Variants in PCCB observed in about 807,000 individuals in gnomAD.
The protein encoded by PCCB is propionyl-CoA carboxylase subunit beta.
PCCB carries 43 observed loss-of-function variants against 60.7 expected under a neutral mutation model. The observed-to-expected ratio is 0.71, with a 90% confidence interval of 0.55 to 0.91. The LOEUF (loss-of-function observed/expected upper bound fraction) is 0.91, where lower values mean the gene tolerates loss of function less well. PCCB is among the 40% of genes least tolerant of loss of function. The pLI is 0.00. For synonymous variants in PCCB, 276 were observed against 255.9 expected, an observed-to-expected ratio of 1.08 and a Z score of -0.75; for missense variants, 766 against 702.8, an observed-to-expected ratio of 1.09 and a Z score of -1.02.
At chr3:136,299,865 T>C (rs908868519) in intron 8 of PCCB, among the ~76,000 whole-genome samples, 2 of 151,462 alleles carry the variant, frequency 1.3e-5, no homozygotes, top group South Asian at 2.1e-4. Flanking sequence ...CATATGTATG[T>C]ATATGCATGC....
rs1385850128 is a variant in PCCB, at chr3:136,301,112, G to A, written c.966+1G>A. 6.2e-7 allele frequency: 1 copy of A among 1,609,920 alleles called. No individual in the cohort carries two copies. Among genetic ancestry groups the A allele is most frequent in the Non-Finnish European group, 8.5e-7 (1 of 1,176,096 alleles). ...CAACATGGTGGACATCATACACTCT[G>A]TAAGTGCCACATCTGTTTGTCTTGC... On this transcript the variant is annotated splice_donor_variant, in intron 9 of 14. Transcript: ENST00000251654. LOFTEE classifies it high-confidence loss of function.
Position 136,298,071 on chromosome 3 carries a change from A to T in PCCB, c.883A>T (p.Ser295Cys). Residue 295 changes from serine to cysteine, a missense_variant and splice_region_variant, in exon 8 of 15, where the codon AGT becomes TGT. By Grantham distance (112) the Ser-to-Cys change is moderately radical. Transcript: ENST00000251654. The stretch of plus-strand genomic sequence containing the variant: ...TCCCGTCCGTGAGTGCCACGATCCC[A>T]GGTGGGTTGTAGGCCGGTGCACCTT... Reference protein sequence around the residue: ...PAPVRECHDPSDRLVPELDTI... With the variant: ...PAPVRECHDPCDRLVPELDTI... 6.2e-7 allele frequency: 1 copy of T among 1,614,068 alleles called. No individual in the cohort carries two copies. The highest frequency in any genetic ancestry group is 8.5e-7 in the Non-Finnish European group (1 of 1,179,950).
chr3:136,263,017 C>G (rs1378631844), intron 5 of PCCB, among the ~76,000 whole-genome samples: 1 of 149,312 alleles, frequency 6.7e-6, no homozygotes, highest in East Asian at 2.0e-4. Context: ...TGCAGTGGCC[C>G]GATCTCGGCT....
chr3:136,317,031 G>T lies in PCCB; in HGVS notation c.1057G>T (p.Gly353Ter), dbSNP rs1299948670. The stretch of plus-strand genomic sequence containing the variant: ...TGCAAGAATGAATGGGAGGACTGTT[G>T]GAATTGTTGGCAACCAACCTAAGGT... ...GFARMNGRTV[G>*]IVGNQPKVAS... Residue 353 changes from glycine to a stop codon, truncating the protein, a stop_gained, in exon 10 of 15, where the codon GGA (glycine) becomes TGA (stop). Coordinates refer to ENST00000251654, the MANE Select transcript of PCCB (RefSeq NM_000532.5). LOFTEE classifies it high-confidence loss of function. 6.2e-7 allele frequency: 1 copy of T among 1,613,842 alleles called. No individual in the cohort carries two copies. The highest frequency in any genetic ancestry group is 8.5e-7 in the Non-Finnish European group (1 of 1,179,996).
At chr3:136,259,261 G>T (rs1193956981) in intron 3 of PCCB, 17 of 717,910 alleles carry the variant, frequency 2.4e-5, no homozygotes, top group Non-Finnish European at 3.4e-5. Context: ...GAGGCCAGGA[G>T]TTTGAAACTG....
intron 11 of PCCB, 94 bp downstream of exon 11, chr3:136,327,004 C>T: frequency 4.5e-6 from 5 of 1,111,912 alleles, no homozygotes; most frequent in Non-Finnish European, 5.5e-6. Flanking sequence ...TCCCCGAGGA[C>T]TTGTGACTTC....
At chr3:136,253,082 GT>G (rs59099393) in intron 1 of PCCB, among the ~76,000 whole-genome samples, 264 of 71,458 alleles carry the variant, frequency 3.7e-3, no homozygotes, top group South Asian at 0.02. Context: ...AGCAATGGAG[GT>G]TTTTTTTTTT....
intron 6 of PCCB, among the ~76,000 whole-genome samples, chr3:136,284,636 G>T (rs997618548): frequency 3.9e-5 from 6 of 152,060 alleles, no homozygotes; most frequent in Non-Finnish European, 8.8e-5. Context: ...AGTTCTAGAG[G>T]GAGTGTAAAT....
At chr3:136,312,820 C>CCAAT (rs1224604779) in intron 9 of PCCB, among the ~76,000 whole-genome samples, 2 of 152,014 alleles carry the variant, frequency 1.3e-5, no homozygotes, top group Non-Finnish European at 2.9e-5. Context: ...CAAAAGGCAA[C>CCAAT]CAATATGCTA....
intron 5 of PCCB, among the ~76,000 whole-genome samples, chr3:136,271,425 T>C (rs1253604758): frequency 6.6e-6 from 1 of 152,170 alleles, no homozygotes; most frequent in Non-Finnish European, 1.5e-5. Flanking sequence ...GGAATTGCAT[T>C]GAATCTGTAG....
chr3:136,297,826 C>T, intron 7 of PCCB, 126 bp from the exon 8 acceptor site: 1 of 986,942 alleles, frequency 1.0e-6, no homozygotes, highest in Non-Finnish European at 1.6e-6. Flanking sequence ...GTGGAGGGTG[C>T]AGAGAACAGA....
intron 1 of PCCB, among the ~76,000 whole-genome samples, chr3:136,253,686 C>G (rs865994040): frequency 6.1e-5 from 4 of 65,294 alleles, no homozygotes; most frequent in Admixed American, 5.0e-4. Context: ...TTTTTTTTTT[C>G]TTGAGACAGG....
chr3:136,250,618 G>T, intron 1 of PCCB, 60 bp downstream of exon 1: 34 of 1,517,424 alleles, frequency 2.2e-5, no homozygotes, highest in Non-Finnish European at 3.0e-5. Context: ...ATCACTGCGT[G>T]CCCGGCTTGC....
At chr3:136,268,084 G>GTGTATATATATA (rs1560002278) in intron 5 of PCCB, among the ~76,000 whole-genome samples, 2 of 60,940 alleles carry the variant, frequency 3.3e-5, no homozygotes, top group African/African-American at 7.5e-5. Context: ...GTGTGTGTGT[G>GTGTATATATATA]TAGATATATA....
intron 9 of PCCB, among the ~76,000 whole-genome samples, chr3:136,308,902 C>T (rs781102942): frequency 6.6e-6 from 1 of 152,008 alleles, no homozygotes; most frequent in Non-Finnish European, 1.5e-5. Context: ...GTGTCAAAAC[C>T]TATAGAATAT....
At chr3:136,284,263 A>G (rs1315378774) in intron 6 of PCCB, among the ~76,000 whole-genome samples, 1 of 152,198 alleles carries the variant, frequency 6.6e-6, no homozygotes, top group Non-Finnish European at 1.5e-5. Context: ...GTCCTATTCA[A>G]GAAGTTTCTC....
intron 9 of PCCB, among the ~76,000 whole-genome samples, chr3:136,303,674 A>T (rs1244522100): frequency 8.2e-6 from 1 of 121,658 alleles, no homozygotes; most frequent in African/African-American, 2.5e-5. Flanking sequence ...CACAATCTCT[A>T]CTCACTGCAA....
At chr3:136,309,588 C>T (rs1934582204) in intron 9 of PCCB, among the ~76,000 whole-genome samples, 2 of 151,614 alleles carry the variant, frequency 1.3e-5, no homozygotes, top group Non-Finnish European at 2.9e-5. Flanking sequence ...TCGCTTGAAG[C>T]CAGGAGTTGA....
At position 136,260,523 on chromosome 3, in the gene PCCB, A is replaced by G; in HGVS notation, c.417A>G (p.Gln139=). The G allele has an allele frequency of 6.2e-7, 1 of 1,612,668 alleles. No homozygotes were observed. The part of the protein sequence containing the change: ...FGGSLSGAHA[Q]KICKIMDQAI... Reference sequence around the variant, plus strand: ...GCAGTCTGTCAGGAGCACATGCCCAAAAGATCTGCAAAGTAAGTGTTTAAT... The same window carrying G: ...GCAGTCTGTCAGGAGCACATGCCCAGAAGATCTGCAAAGTAAGTGTTTAAT... The change falls in exon 4 of 15, where the codon CAA becomes CAG. Residue 139 remains glutamine, a synonymous_variant. Transcript: ENST00000251654.
Sources: gnomAD v4.1 joint callset for allele counts (sites outside exome capture counted in the v4.1 genomes callset) on GRCh38, gnomAD v4.1.1 for gene constraint, MANE v1.5 for transcripts, NCBI Gene and HGNC (gene_info 2026-07-23, HGNC 2026-07-21) for gene names.